Variants in WWP1 observed in about 807,000 individuals in gnomAD.
WWP1 encodes the protein NEDD4-like E3 ubiquitin-protein ligase WWP1.
WWP1 carries 49 observed loss-of-function variants against 130.6 expected under a neutral mutation model. That is an observed-to-expected ratio of 0.38 (90% confidence interval 0.30 to 0.48). The LOEUF (loss-of-function observed/expected upper bound fraction) is 0.48. Ranked by LOEUF, WWP1 falls within the 20% of genes least tolerant of loss-of-function variation. WWP1 has a pLI of 0.99. For synonymous variants in WWP1, 332 were observed against 367.8 expected (o/e 0.90, Z 1.11); for missense variants, 809 against 1,100.6 (o/e 0.74, Z 3.75).
intron 9 of WWP1, among the ~76,000 whole-genome samples, chr8:86,413,307 C>T (rs991083617): frequency 1.2e-4 from 19 of 152,178 alleles, no homozygotes; most frequent in Middle Eastern, 3.4e-3. Context: ...GTCAATTATC[C>T]TAGTCTCTCA....
chr8:86,414,890 T>TCCCCCCCCCCCC (rs1222505171), intron 9 of WWP1, among the ~76,000 whole-genome samples: 21 of 94,798 alleles, frequency 2.2e-4, no homozygotes, highest in African/African-American at 3.4e-4. Flanking sequence ...CCCCCCCCCA[T>TCCCCCCCCCCCC]CCCCCCACCC....
intron 5 of WWP1, among the ~76,000 whole-genome samples, chr8:86,384,576 T>A (rs1014432334): frequency 1.3e-5 from 2 of 152,232 alleles, no homozygotes; most frequent in Non-Finnish European, 2.9e-5. Context: ...AAAATACTTT[T>A]ATAAATGATA....
intron 17 of WWP1, chr8:86,440,598 CT>C: frequency 2.3e-6 from 1 of 430,364 alleles, no homozygotes; most frequent in Non-Finnish European, 4.6e-6. Flanking sequence ...AATAATTTCA[CT>C]GTTGATTGTT....
At chr8:86,408,154 C>G (rs564148831) in intron 8 of WWP1, among the ~76,000 whole-genome samples, 1 of 152,130 alleles carries the variant, frequency 6.6e-6, no homozygotes, top group Non-Finnish European at 1.5e-5. Context: ...GTGTGGGTAG[C>G]CTTTTCAGAT....
rs1304666631 is a variant in WWP1 at position 86,446,872 on chromosome 8, A to G, written c.1999-1276A>G. Among the ~76,000 whole-genome samples, 6 of 152,250 alleles carry G rather than the reference A, an allele frequency of 3.9e-5. No homozygotes were observed. In the East Asian group the frequency reaches 1.2e-3, roughly 29 times the overall value. On this transcript the variant is annotated intron_variant, in intron 18 of 24. Coordinates refer to ENST00000517970, the MANE Select transcript of WWP1 (RefSeq NM_007013.4). ...ACACCAAGTGATGGAAAGATTATCT[A>G]TAATAAGATTATATGGATTCAGATG...
At chr8:86,424,567 C>T (rs1380361136) in intron 9 of WWP1, among the ~76,000 whole-genome samples, 1 of 151,984 alleles carries the variant, frequency 6.6e-6, no homozygotes, top group Non-Finnish European at 1.5e-5. Flanking sequence ...CCTCGGGAGG[C>T]TGAGGCTGGC....
intron 10 of WWP1, among the ~76,000 whole-genome samples, chr8:86,427,348 G>GT (rs1809686257): frequency 6.6e-6 from 1 of 151,690 alleles, no homozygotes; most frequent in East Asian, 1.9e-4. Flanking sequence ...GTATACCTGT[G>GT]TAACAAACCT....
Position 86,406,460 on chromosome 8 carries a change from AT to A in WWP1, c.724+4264del, listed in dbSNP as rs755942418. On this transcript the variant is annotated intron_variant, in intron 8 of 24. Coordinates refer to ENST00000517970, the MANE Select transcript of WWP1 (RefSeq NM_007013.4). ...GTACATGATATCACAAGTTTATTAT[AT>A]TTTTTTCTTAGCTCTTTATTCTGAA... 4.6e-5 allele frequency among the ~76,000 whole-genome samples: 7 copies of A among 152,240 alleles called. No individual in the cohort carries two copies. In the East Asian group the frequency reaches 7.7e-4, roughly 17 times the overall value.
intron 1 of WWP1, among the ~76,000 whole-genome samples, chr8:86,343,780 A>G (rs1238038119): frequency 1.3e-5 from 2 of 151,980 alleles, no homozygotes; most frequent in East Asian, 1.9e-4. Context: ...TTCTTTTTCT[A>G]TTTGATAAGT....
intron 14 of WWP1, among the ~76,000 whole-genome samples, chr8:86,432,480 A>G (rs539721616): frequency 1.3e-5 from 2 of 150,924 alleles, no homozygotes; most frequent in African/African-American, 4.9e-5. Context: ...TTTGTGTTGC[A>G]TTATCAGGTT....
At chr8:86,363,339 C>G (rs1348481946) in intron 1 of WWP1, among the ~76,000 whole-genome samples, 3 of 152,166 alleles carry the variant, frequency 2.0e-5, no homozygotes, top group Non-Finnish European at 4.4e-5. Flanking sequence ...TGCTGGTCTG[C>G]TTTAACTGTC....
chr8:86,415,689 A>G (rs952528392), intron 9 of WWP1, among the ~76,000 whole-genome samples: 2 of 152,192 alleles, frequency 1.3e-5, no homozygotes, highest in African/African-American at 2.4e-5. Context: ...TCAATATTCT[A>G]ATTTTTTCTA....
rs1015233477 is a variant in WWP1, at chr8:86,448,407, T to C, written c.2167T>C (p.Tyr723His). ...NNIEECGLEM[Y>H]FSVDMEILGK... ...CATTGAAGAATGTGGCTTAGAAATG[T>C]ACTTTTCTGTTGACATGGAGATTTT... The change falls in exon 20 of 25, where the codon TAC becomes CAC. Residue 723 changes from tyrosine (Y) to histidine (H), a missense_variant. By Grantham distance (83) the Tyr-to-His change is moderately conservative. Around this residue, in one of 3 missense-constraint regions of WWP1, gnomAD observed 450 missense variants for 674.2 expected, o/e 0.67. Coordinates refer to ENST00000517970, the MANE Select transcript of WWP1 (RefSeq NM_007013.4). The C allele has an allele frequency of 1.2e-6, 2 of 1,613,568 alleles. No individual in the cohort carries two copies. Among genetic ancestry groups the C allele is most frequent in the Admixed American group, 3.3e-5 (2 of 60,008 alleles).
At chr8:86,377,136 A>G (rs1349667392) in intron 3 of WWP1, among the ~76,000 whole-genome samples, 1 of 151,872 alleles carries the variant, frequency 6.6e-6, no homozygotes, top group Non-Finnish European at 1.5e-5. Flanking sequence ...CCCAGGCTGG[A>G]GTGCAGTGGC....
rs540664081 is a variant in WWP1 at position 86,407,738 on chromosome 8, CTT to C, written c.725-3798_725-3797del. ...TAAGAGTTTTTTTTAAATTAATAGACTTTATATTTTAGAACAGTTTCAGATTT... is the reference window on the plus strand; with the variant it reads ...TAAGAGTTTTTTTTAAATTAATAGACTATATTTTAGAACAGTTTCAGATTT... On this transcript the variant is annotated intron_variant, in intron 8 of 24. Coordinates refer to ENST00000517970, the MANE Select transcript of WWP1 (RefSeq NM_007013.4). Among the ~76,000 whole-genome samples, 31 of 151,978 alleles carry C rather than the reference CTT, an allele frequency of 2.0e-4. No homozygotes were observed. The South Asian group carries it at 6.4e-3, about 32-fold the overall frequency.
intron 9 of WWP1, among the ~76,000 whole-genome samples, chr8:86,414,496 T>C (rs1160644704): frequency 2.6e-5 from 4 of 152,232 alleles, no homozygotes; most frequent in Admixed American, 1.3e-4. Flanking sequence ...TGGATTCTTC[T>C]GGCATACACA....
intron 22 of WWP1, among the ~76,000 whole-genome samples, chr8:86,459,702 C>T (rs1275146921): frequency 6.6e-6 from 1 of 152,230 alleles, no homozygotes; most frequent in Non-Finnish European, 1.5e-5. Context: ...ATACAGTATG[C>T]ATACCGTTGT....
At chr8:86,445,917 A>AT (rs1393678114) in intron 18 of WWP1, among the ~76,000 whole-genome samples, 8 of 131,586 alleles carry the variant, frequency 6.1e-5, no homozygotes, top group Non-Finnish European at 1.7e-5. Flanking sequence ...GATGTTGAGC[A>AT]TTTTTTCATA....
intron 1 of WWP1, among the ~76,000 whole-genome samples, chr8:86,346,207 T>C (rs1822569553): frequency 6.6e-6 from 1 of 152,188 alleles, no homozygotes; most frequent in East Asian, 1.9e-4. Flanking sequence ...GTTAGCAATA[T>C]CAGATCATTC....
Sources: gnomAD v4.1 joint callset for allele counts (sites outside exome capture counted in the v4.1 genomes callset) on GRCh38, gnomAD v4.1.1 for gene constraint, gnomAD v4.1.1 regional missense constraint, MANE v1.5 for transcripts, NCBI Gene and HGNC (gene_info 2026-07-23, HGNC 2026-07-21) for gene names.